SIL1: variants seen among roughly 807,000 people sequenced by gnomAD.
SIL1 encodes the protein nucleotide exchange factor SIL1.
A neutral mutation model predicts 49.1 loss-of-function variants in SIL1; 40 were observed. That is an observed-to-expected ratio of 0.81 (90% CI 0.63 to 1.06). The LOEUF (loss-of-function observed/expected upper bound fraction) is 1.06. SIL1 is among the 50% of genes least tolerant of loss of function. The pLI, the probability that SIL1 is intolerant of heterozygous loss-of-function variation, is 0.00. For synonymous variants in SIL1, 253 were observed against 250.8 expected, an observed-to-expected ratio of 1.01 and a Z score of -0.08; for missense variants, 500 against 572.6, an observed-to-expected ratio of 0.87 and a Z score of 1.29.
At chr5:139,088,565 C>T (rs987468961) in intron 3 of SIL1, among the ~76,000 whole-genome samples, 4 of 152,198 alleles carry the variant, frequency 2.6e-5, no homozygotes. Context: ...GCCTGGACTC[C>T]AAGCTATTCC....
intron 1 of SIL1, among the ~76,000 whole-genome samples, chr5:139,154,194 T>C (rs958986544): frequency 6.6e-6 from 1 of 152,048 alleles, no homozygotes; most frequent in African/African-American, 2.4e-5. Context: ...ACAGTCTCTG[T>C]CTATAATGAA....
At chr5:139,058,330 A>T (rs571146246) in intron 3 of SIL1, among the ~76,000 whole-genome samples, 1 of 151,856 alleles carries the variant, frequency 6.6e-6, no homozygotes, top group South Asian at 2.1e-4. Context: ...CACTGTGGGT[A>T]AACTAAAAAA....
intron 1 of SIL1, among the ~76,000 whole-genome samples, chr5:139,188,873 G>C (rs1294908383): frequency 6.6e-6 from 1 of 152,208 alleles, no homozygotes; most frequent in Non-Finnish European, 1.5e-5. Flanking sequence ...GCTGGCTTGA[G>C]CACCTGACAA....
At chr5:139,147,703 C>G (rs553871797) in intron 1 of SIL1, among the ~76,000 whole-genome samples, 24 of 152,348 alleles carry the variant, frequency 1.6e-4, no homozygotes, top group African/African-American at 5.5e-4. Flanking sequence ...TGTCAAGTAT[C>G]TATGTCAACT....
chr5:138,981,363 A>G (rs1410685837), intron 7 of SIL1, among the ~76,000 whole-genome samples: 1 of 152,166 alleles, frequency 6.6e-6, no homozygotes, highest in Admixed American at 6.5e-5. Context: ...TCTCCAAAAG[A>G]TCCCTTGGCA....
chr5:139,101,961 T>C (rs1270970499), intron 3 of SIL1, among the ~76,000 whole-genome samples: 1 of 152,170 alleles, frequency 6.6e-6, no homozygotes, highest in African/African-American at 2.4e-5. Context: ...ATCATGGTAT[T>C]ATCTAAAACG....
chr5:139,164,305 T>C (rs1402870310), intron 1 of SIL1, among the ~76,000 whole-genome samples: 6 of 151,992 alleles, frequency 3.9e-5, no homozygotes, highest in African/African-American at 1.2e-4. Context: ...ACTCCATCCC[T>C]TCCCTCACAA....
At chr5:138,949,321 C>T (rs1766709314) in intron 9 of SIL1, among the ~76,000 whole-genome samples, 1 of 152,190 alleles carries the variant, frequency 6.6e-6, no homozygotes, top group African/African-American at 2.4e-5. Flanking sequence ...ATGAGGACTG[C>T]CTGGGGCCTG....
In SIL1 at chr5:138,947,635, A is replaced by G. The variant is rs543134323; in HGVS notation, c.1030-162T>C. On this transcript the variant is annotated intron_variant, in intron 9 of 9. Coordinates refer to ENST00000394817, the MANE Select transcript of SIL1 (RefSeq NM_022464.5). This position sits in a 1 kb window ranked among gnomAD's most constrained non-coding sequence, Gnocchi z 4.1. ...CCTCTATCCCCAAGTCTGTCTGTCT[A>G]TTCATTCATTCATCCACCAACAGAA... Among the ~76,000 whole-genome samples, 3 of 152,320 alleles carry G rather than the reference A, an allele frequency of 2.0e-5. No individual in the cohort carries two copies. Among genetic ancestry groups the G allele is most frequent in the African/African-American group, 7.2e-5 (3 of 41,570 alleles).
At chr5:138,984,209 A>G (rs1371253362) in intron 7 of SIL1, among the ~76,000 whole-genome samples, 2 of 152,212 alleles carry the variant, frequency 1.3e-5, no homozygotes, top group Non-Finnish European at 2.9e-5. Flanking sequence ...CTCAAGGCAG[A>G]TGAGAGATAA....
At chr5:139,149,155 G>A (rs944261761) in intron 1 of SIL1, among the ~76,000 whole-genome samples, 59 of 152,026 alleles carry the variant, frequency 3.9e-4, no homozygotes, top group Non-Finnish European at 5.9e-4. Context: ...TGCTGCCCAG[G>A]CACATTGTTC....
At chr5:139,079,403 G>A (rs1770023134) in intron 3 of SIL1, among the ~76,000 whole-genome samples, 1 of 152,186 alleles carries the variant, frequency 6.6e-6, no homozygotes, top group African/African-American at 2.4e-5. Context: ...CAAGAATTAT[G>A]GGTAATTCGC....
chr5:138,947,189 C>T lies in SIL1; in HGVS notation c.1314G>A (p.Gln438=). ...EYQVLASLEL[Q]DGEDEGYFQE... ...GGAAGTAGCCCTCGTCCTCACCATC[C>T]TGCAGCTCCAGGCTGGCCAGCACCT... Residue 438 remains glutamine, a synonymous_variant, in exon 10 of 10, where the codon CAG becomes CAA. Coordinates refer to ENST00000394817, the MANE Select transcript of SIL1 (RefSeq NM_022464.5). The surrounding 1 kb of genome is among the most constrained non-coding windows in gnomAD (Gnocchi z 4.1). The T allele has an allele frequency of 6.2e-7, 1 of 1,613,590 alleles. No homozygotes were observed. Among genetic ancestry groups the T allele is most frequent in the Non-Finnish European group, 8.5e-7 (1 of 1,179,926 alleles).
intron 3 of SIL1, among the ~76,000 whole-genome samples, chr5:139,115,738 T>C (rs1561868128): frequency 6.6e-6 from 1 of 152,128 alleles, no homozygotes; most frequent in Non-Finnish European, 1.5e-5. Context: ...TGTCACTGAG[T>C]TGCATTTTCA....
intron 1 of SIL1, among the ~76,000 whole-genome samples, chr5:139,170,957 T>A (rs1417051636): frequency 7.2e-6 from 1 of 139,514 alleles, no homozygotes; most frequent in Non-Finnish European, 1.6e-5. Flanking sequence ...GGTGGGGGGG[T>A]CAGTCCCCCG....
In SIL1 at chr5:139,021,423, C is replaced by T; in HGVS notation, c.646-131G>A. ...GAAAAATCAATAATGGCCTTTTTGA[C>T]TAAGAAAAGGTTTGTAAAAACCAAT... is the stretch of plus-strand genomic sequence containing the variant. On this transcript the variant is annotated intron_variant, in intron 6 of 9. Coordinates refer to ENST00000394817, the MANE Select transcript of SIL1 (RefSeq NM_022464.5). 2.1e-6 allele frequency: 3 copies of T among 1,400,496 alleles called. No homozygotes were observed. In the South Asian group the frequency reaches 3.8e-5, roughly 18 times the overall value. The allele number at this position is 1,400,496 out of a possible 1,614,324, so 86.8% of individuals were successfully genotyped here.
intron 1 of SIL1, among the ~76,000 whole-genome samples, chr5:139,167,483 A>C (rs1751648369): frequency 6.6e-6 from 1 of 152,238 alleles, no homozygotes; most frequent in Non-Finnish European, 1.5e-5. Context: ...TAACAAAAAA[A>C]GTTTAAAAAG....
At chr5:139,008,136 A>G (rs1429046564) in intron 7 of SIL1, among the ~76,000 whole-genome samples, 4 of 150,940 alleles carry the variant, frequency 2.7e-5, no homozygotes, top group Non-Finnish European at 5.9e-5. Flanking sequence ...CCACAATTTC[A>G]GCTCCTGTTA....
chr5:139,005,505 GGTTA>G (rs1329970679), intron 7 of SIL1, among the ~76,000 whole-genome samples: 8 of 143,350 alleles, frequency 5.6e-5, no homozygotes, highest in African/African-American at 1.8e-4. Context: ...ACATTGTGCA[GGTTA>G]GTTACATATG....
Sources: allele counts gnomAD v4.1 joint callset (sites outside exome capture counted in the v4.1 genomes callset), GRCh38; gene constraint gnomAD v4.1.1; non-coding constraint Gnocchi (gnomAD v3.1); transcripts MANE v1.5; gene names NCBI Gene and HGNC (gene_info 2026-07-23, HGNC 2026-07-21).